Variants in PRRC1 observed in about 807,000 individuals in gnomAD.
PRRC1 encodes proline rich coiled-coil 1.
Under a neutral mutation model 40.7 loss-of-function variants are expected in PRRC1, and 39 were observed. The observed-to-expected ratio is 0.96, with a 90% CI of 0.74 to 1.25. The LOEUF is 1.25. PRRC1 is among the 50% of genes most tolerant of loss of function. The pLI is 0.00. For synonymous variants in PRRC1, 175 were observed against 193.3 expected (o/e 0.91, Z 0.79); for missense variants, 573 against 548.3 (o/e 1.05, Z -0.45).
intron 7 of PRRC1, among the ~76,000 whole-genome samples, chr5:127,540,702 C>T (rs958159612): frequency 5.9e-5 from 9 of 152,164 alleles, no homozygotes; most frequent in South Asian, 2.1e-4. Context: ...TTCTGGCTTC[C>T]GTCATTTCTG....
At chr5:127,522,571 T>C (rs957755636) in intron 1 of PRRC1, among the ~76,000 whole-genome samples, 3 of 152,100 alleles carry the variant, frequency 2.0e-5, no homozygotes, top group African/African-American at 7.2e-5. Context: ...TTTAATTTTT[T>C]TGTAGAGATG....
At chr5:127,540,031 G>T (rs1767998978) in intron 7 of PRRC1, among the ~76,000 whole-genome samples, 1 of 152,076 alleles carries the variant, frequency 6.6e-6, no homozygotes, top group Non-Finnish European at 1.5e-5. Flanking sequence ...AAGGAAGTAG[G>T]ATGTTCTGGG....
chr5:127,519,658 A>C lies in PRRC1; in HGVS notation c.-21+1882A>C, dbSNP rs537709472. Among the ~76,000 whole-genome samples, 6 of 152,190 alleles carry C rather than the reference A, an allele frequency of 3.9e-5. No homozygotes were observed. In the South Asian group the frequency reaches 1.2e-3, roughly 32 times the overall value. On this transcript the variant is annotated intron_variant, in intron 1 of 8. Coordinates refer to ENST00000296666, the MANE Select transcript of PRRC1 (RefSeq NM_130809.5). ...TTGTCTTCCATCTTACTAAACCAAT[A>C]ATTGGTTTAACATCATATTCTCTTT...
intron 3 of PRRC1, 81 bp from the exon 4 acceptor site, chr5:127,526,537 A>G (rs1767617964): frequency 1.9e-6 from 2 of 1,037,694 alleles, no homozygotes; most frequent in Non-Finnish European, 2.8e-6. Context: ...TATTAATATT[A>G]AAGTTGTTTG....
At chr5:127,536,984 G>A in intron 6 of PRRC1, among the ~76,000 whole-genome samples, 1 of 151,602 alleles carries the variant, frequency 6.6e-6, no homozygotes, top group South Asian at 2.1e-4. Flanking sequence ...TGAAGTAAAT[G>A]GGTTTTCTGA....
intron 1 of PRRC1, among the ~76,000 whole-genome samples, chr5:127,521,946 A>G (rs536719252): frequency 1.3e-5 from 2 of 152,326 alleles, no homozygotes; most frequent in East Asian, 3.9e-4. Flanking sequence ...CCTGTCAAAC[A>G]AAACTGTGTT....
chr5:127,525,344 G>A (rs1296178005), intron 3 of PRRC1, among the ~76,000 whole-genome samples: 6 of 152,116 alleles, frequency 3.9e-5, no homozygotes, highest in Admixed American at 3.9e-4. Context: ...TGTAGCATTT[G>A]TCAGTACTTC....
intron 4 of PRRC1, among the ~76,000 whole-genome samples, chr5:127,528,852 C>T (rs1292409148): frequency 6.6e-6 from 1 of 151,916 alleles, no homozygotes; most frequent in Non-Finnish European, 1.5e-5. Context: ...TGGTATGATC[C>T]CTATATTATC....
chr5:127,542,113 G>T (rs1768065634), intron 7 of PRRC1, among the ~76,000 whole-genome samples: 1 of 152,054 alleles, frequency 6.6e-6, no homozygotes, highest in East Asian at 1.9e-4. Context: ...CTTTATTTCT[G>T]CCTTCATTTT....
intron 8 of PRRC1, chr5:127,549,098 G>T (rs1561689451): frequency 6.6e-6 from 1 of 151,778 alleles, no homozygotes; most frequent in Non-Finnish European, 1.5e-5. Context: ...GTTATATATT[G>T]TCAGTTTCAT....
intron 6 of PRRC1, among the ~76,000 whole-genome samples, chr5:127,538,502 T>C (rs1366749304): frequency 3.3e-5 from 5 of 152,144 alleles, no homozygotes; most frequent in South Asian, 2.1e-4. Flanking sequence ...ATTATTTTGT[T>C]GAATAAGCTG....
At chr5:127,535,694 T>A (rs183489) in intron 6 of PRRC1, among the ~76,000 whole-genome samples, 66,994 of 152,038 alleles carry the variant, frequency 0.44, 16,038 homozygotes, top group East Asian at 0.62. Flanking sequence ...GCCTGCATTT[T>A]TTGAGAACAT....
chr5:127,526,017 T>G (rs1371493646), intron 3 of PRRC1, among the ~76,000 whole-genome samples: 2 of 152,198 alleles, frequency 1.3e-5, no homozygotes, highest in African/African-American at 4.8e-5. Context: ...GTCAGTTAAA[T>G]CTACTTGTTT....
Position 127,524,690 on chromosome 5 carries a change from C to T in PRRC1, c.263C>T (p.Thr88Ile), listed in dbSNP as rs768224301. 1.9e-6 allele frequency: 3 copies of T among 1,614,078 alleles called. No homozygotes were observed. The highest frequency in any genetic ancestry group is 3.3e-5 in the Admixed American group (2 of 60,004). ...PAVPSVPPLV[T>I]SMPPPVSPST... ...GTTCCTTCTGTCCCACCACTTGTTA[C>T]TTCTATGCCACCTCCTGTTTCTCCA... The change falls in exon 3 of 9, where the codon ACT (threonine) becomes ATT (isoleucine). Residue 88 changes from threonine (T) to isoleucine (I), a missense_variant. By Grantham distance (89) the Thr-to-Ile change is moderately conservative. Transcript: ENST00000296666.
chr5:127,543,530 C>T (rs1438641531), intron 7 of PRRC1, among the ~76,000 whole-genome samples: 1 of 152,140 alleles, frequency 6.6e-6, no homozygotes, highest in Non-Finnish European at 1.5e-5. Flanking sequence ...TAGATTTGGT[C>T]TTTTCACATA....
chr5:127,517,803 G>A, intron 1 of PRRC1, 27 bp downstream of exon 1: 1 of 152,686 alleles, frequency 6.5e-6, no homozygotes, highest in Non-Finnish European at 1.5e-5. Flanking sequence ...TCCGAGGGGC[G>A]TGTATGAGGG....
intron 1 of PRRC1, among the ~76,000 whole-genome samples, chr5:127,520,509 A>T (rs1379372761): frequency 6.6e-6 from 1 of 152,264 alleles, no homozygotes; most frequent in Non-Finnish European, 1.5e-5. Flanking sequence ...TATATGCAGC[A>T]GCTTGGATGA....
intron 7 of PRRC1, among the ~76,000 whole-genome samples, chr5:127,544,855 T>G (rs1023993153): frequency 1.3e-5 from 2 of 152,360 alleles, no homozygotes; most frequent in African/African-American, 4.8e-5. Flanking sequence ...TGCCTCACCC[T>G]GCTTCGGCTC....
chr5:127,546,485 A>G (rs1768227686), intron 7 of PRRC1, among the ~76,000 whole-genome samples: 1 of 152,214 alleles, frequency 6.6e-6, no homozygotes, highest in African/African-American at 2.4e-5. Flanking sequence ...TTTAGAAAAC[A>G]AAACTCTAGA....
Sources: gnomAD v4.1 joint callset for allele counts (sites outside exome capture counted in the v4.1 genomes callset) on GRCh38, gnomAD v4.1.1 for gene constraint, MANE v1.5 for transcripts, NCBI Gene and HGNC (gene_info 2026-07-23, HGNC 2026-07-21) for gene names.